NRXN2: variants seen among roughly 807,000 people sequenced by gnomAD.
NRXN2 encodes neurexin-2-beta.
A neutral mutation model predicts 128.8 loss-of-function variants in NRXN2; 29 were observed. The observed-to-expected ratio is 0.23, with a 90% CI of 0.17 to 0.31. NRXN2 has a LOEUF of 0.31. Ranked by LOEUF, NRXN2 falls within the 10% of genes least tolerant of loss-of-function variation. The pLI is 1.00. For synonymous variants in NRXN2, 1,098 were observed against 1,075.2 expected (o/e 1.02, Z -0.41); for missense variants, 1,881 against 2,452.6 (o/e 0.77, Z 4.92).
chr11:64,707,838 A>G (rs1300250962), intron 2 of NRXN2, among the ~76,000 whole-genome samples: 2 of 152,160 alleles, frequency 1.3e-5, no homozygotes, highest in Admixed American at 6.5e-5. Flanking sequence ...TTACACCTGT[A>G]ATCCCAACAC....
chr11:64,710,862 T>C (rs1026344345), intron 2 of NRXN2, among the ~76,000 whole-genome samples: 2 of 152,138 alleles, frequency 1.3e-5, no homozygotes, highest in African/African-American at 4.8e-5. Flanking sequence ...AAATACACAC[T>C]GCCAGACTCG....
chr11:64,642,402 G>A lies in NRXN2; in HGVS notation c.3403+5817C>T, dbSNP rs1317805300. ...GGAGCTGGAGATTGGAGGTGAAGGG[G>A]CTCCGGGACGCAAAGCAGAGGGGCC... On this transcript the variant is annotated intron_variant, in intron 17 of 22. Transcript: ENST00000265459. The A allele has an allele frequency of 1.2e-5, 15 of 1,283,720 alleles. No homozygotes were observed. In the Admixed American group the frequency reaches 4.1e-4, roughly 35 times the overall value. The allele number at this position is 1,283,720 out of a possible 1,614,324, so 79.5% of individuals were successfully genotyped here. A position where few individuals can be genotyped will look rare whatever the true frequency, so the allele number is the denominator to read the frequency against.
chr11:64,671,273 G>A (rs994870943), intron 7 of NRXN2, among the ~76,000 whole-genome samples: 4 of 152,128 alleles, frequency 2.6e-5, no homozygotes, highest in Non-Finnish European at 4.4e-5. Flanking sequence ...TAGTGGGGAC[G>A]GGTTCTGGGT....
chr11:64,689,360 G>A (rs887777661), intron 5 of NRXN2, among the ~76,000 whole-genome samples: 2 of 151,756 alleles, frequency 1.3e-5, no homozygotes, highest in Non-Finnish European at 1.5e-5. Context: ...ATGAGCCACC[G>A]TGCCTGGCCT....
At chr11:64,628,281 C>T (rs1591598278) in intron 19 of NRXN2, among the ~76,000 whole-genome samples, 1 of 152,310 alleles carries the variant, frequency 6.6e-6, no homozygotes. Flanking sequence ...TCCAAGGTTA[C>T]ACGCTTGTCA....
intron 7 of NRXN2, among the ~76,000 whole-genome samples, chr11:64,670,991 C>G (rs1248875051): frequency 1.3e-5 from 2 of 152,206 alleles, no homozygotes; most frequent in Non-Finnish European, 2.9e-5. Context: ...CTCCCTTTGC[C>G]AAAGTCACCC....
Position 64,623,350 on chromosome 11 carries a change from TC to T in NRXN2, c.3848-273del. 1 of 545,980 alleles carries T rather than the reference TC, an allele frequency of 1.8e-6. No homozygotes were observed. The highest frequency in any genetic ancestry group is 3.3e-6 in the Non-Finnish European group (1 of 305,714). 33.8% of individuals were successfully genotyped at this position (545,980 alleles called of 1,614,324 possible). On this transcript the variant is annotated intron_variant, in intron 20 of 22. Coordinates refer to ENST00000265459, the MANE Select transcript of NRXN2 (RefSeq NM_015080.4). The surrounding 1 kb of genome is among the most constrained non-coding windows in gnomAD (Gnocchi z 4.9). The stretch of plus-strand genomic sequence containing the variant: ...TGGGGAAGGGGAGCCCAGTCCCTCC[TC>T]CCCACCATGTGCAAGCCTTCCCACC...
At chr11:64,686,028 G>A (rs551178891) in intron 5 of NRXN2, 81 bp from the exon 6 acceptor site, 13 of 1,494,546 alleles carry the variant, frequency 8.7e-6, no homozygotes, top group South Asian at 5.8e-5. Flanking sequence ...CTCCAGCAAC[G>A]CAGGCACTGG....
At position 64,630,491 on chromosome 11, in the gene NRXN2, C is replaced by T; in HGVS notation, c.3668G>A (p.Gly1223Asp). The change falls in exon 19 of 23, where the codon GGC becomes GAC. Residue 1223 changes from glycine (G) to aspartate (D), a missense_variant. By Grantham distance (94) the Gly-to-Asp change is moderately conservative. Coordinates refer to ENST00000265459, the MANE Select transcript of NRXN2 (RefSeq NM_015080.4). This position sits in a 1 kb window ranked among gnomAD's most constrained non-coding sequence, Gnocchi z 4.6. ...IDEPNAIVSDGKYHVVRFTRS... is the reference protein window; with the variant it reads ...IDEPNAIVSDDKYHVVRFTRS... ...AGTGAAGCGCACCACGTGGTATTTG[C>T]CGTCGCTTACTATGGCGTTGGGCTC... 6.2e-7 allele frequency: 1 copy of T among 1,614,032 alleles called. No individual in the cohort carries two copies. The highest frequency in any genetic ancestry group is 8.5e-7 in the Non-Finnish European group (1 of 1,180,016).
chr11:64,695,616 C>T (rs891753203), intron 3 of NRXN2, among the ~76,000 whole-genome samples: 3 of 151,988 alleles, frequency 2.0e-5, no homozygotes, highest in East Asian at 1.9e-4. Context: ...GAACCACCAT[C>T]GAAATAAAGA....
intron 1 of NRXN2, among the ~76,000 whole-genome samples, chr11:64,717,639 C>T (rs952731172): frequency 4.6e-5 from 7 of 152,364 alleles, no homozygotes; most frequent in African/African-American, 7.2e-5. Context: ...CATTTTCCCA[C>T]GGCGAGGCCA....
At position 64,635,510 on chromosome 11, in the gene NRXN2, A is replaced by C. The variant is rs2044569208; in HGVS notation, c.3404-58T>G. ...ATGACATCAGGAGGACGAGGTCAGC[A>C]GGTCCTCAGGGTTGTGACCAGAGGG... On this transcript the variant is annotated intron_variant, in intron 17 of 22. Transcript: ENST00000265459. The surrounding 1 kb of genome is among the most constrained non-coding windows in gnomAD (Gnocchi z 4.8). The C allele has an allele frequency of 6.3e-7, 1 of 1,577,298 alleles. No homozygotes were observed. The highest frequency in any genetic ancestry group is 8.7e-7 in the Non-Finnish European group (1 of 1,154,022).
At chr11:64,608,239 C>G (rs1017502964) in intron 22 of NRXN2, among the ~76,000 whole-genome samples, 157 bp from the exon 23 acceptor site, 3 of 152,210 alleles carry the variant, frequency 2.0e-5, no homozygotes, top group Non-Finnish European at 2.9e-5. Flanking sequence ...GCCAGCCGGC[C>G]GAGCACTGCG....
Position 64,661,150 on chromosome 11 carries a change from A to T in NRXN2, c.1799-11T>A. 1 of 1,613,372 alleles carries T rather than the reference A, an allele frequency of 6.2e-7. No individual in the cohort carries two copies. The highest frequency in any genetic ancestry group is 8.5e-7 in the Non-Finnish European group (1 of 1,180,030). On this transcript the variant is annotated splice_polypyrimidine_tract_variant and intron_variant, in intron 9 of 22. Coordinates refer to ENST00000265459, the MANE Select transcript of NRXN2 (RefSeq NM_015080.4). ...TCACTGAGATGGAGCCTGGGAATCA[A>T]GGGAAGGCAGGATGGAGAAAAGCCA...
In NRXN2 at chr11:64,660,951, T is replaced by C. The variant is rs373542632; in HGVS notation, c.1987A>G (p.Ile663Val). 9.3e-6 allele frequency: 15 copies of C among 1,613,876 alleles called. No individual in the cohort carries two copies. The African/African-American group carries it at 1.2e-4, about 13-fold the overall frequency. The change falls in exon 10 of 23, where the codon ATA (isoleucine) becomes GTA (valine). Residue 663 changes from isoleucine to valine, a missense_variant. This residue lies in a region of NRXN2 where 997 missense variants were observed against 1,240.8 expected (regional missense o/e 0.80). Coordinates refer to ENST00000265459, the MANE Select transcript of NRXN2 (RefSeq NM_015080.4). The surrounding 1 kb of genome is among the most constrained non-coding windows in gnomAD (Gnocchi z 5.2). ...CGGAGGTCTCGGCTACGCCCATCTATGAAGAGGTCCCGCACACAGCCCACG... is the reference window on the plus strand; with the variant it reads ...CGGAGGTCTCGGCTACGCCCATCTACGAAGAGGTCCCGCACACAGCCCACG... Reference protein sequence around the residue: ...GYVGCVRDLFIDGRSRDLRGL... With the variant: ...GYVGCVRDLFVDGRSRDLRGL...
chr11:64,611,865 G>A (rs550007916), intron 22 of NRXN2, among the ~76,000 whole-genome samples: 5 of 152,158 alleles, frequency 3.3e-5, no homozygotes, highest in South Asian at 4.2e-4. Context: ...GGCTTTGACT[G>A]TACGATCTCC....
rs1026196103 is a variant in NRXN2, at chr11:64,630,106, C to G, written c.3757+296G>C. ...TCTACCCTCCCTCCACTTCTCCCCC[C>G]ACCCCCAAACTGGACCCTGGCCTTG... On this transcript the variant is annotated intron_variant, in intron 19 of 22. Transcript: ENST00000265459. The surrounding 1 kb of genome is among the most constrained non-coding windows in gnomAD (Gnocchi z 4.6). Among the ~76,000 whole-genome samples the G allele has an allele frequency of 6.6e-6, 1 of 152,170 alleles. No individual in the cohort carries two copies. Among genetic ancestry groups the G allele is most frequent in the Admixed American group, 6.5e-5 (1 of 15,304 alleles).
In NRXN2 at chr11:64,623,082, G is replaced by A; in HGVS notation, c.3848-4C>T. On this transcript the variant is annotated splice_polypyrimidine_tract_variant and splice_region_variant and intron_variant, in intron 20 of 22. Coordinates refer to ENST00000265459, the MANE Select transcript of NRXN2 (RefSeq NM_015080.4). This position sits in a 1 kb window ranked among gnomAD's most constrained non-coding sequence, Gnocchi z 4.9. ...TTGAAGATGGTCAGCTGGCGGCCTT[G>A]CAGGAGTGGAAGGGGGTGACAGAGA... The A allele has an allele frequency of 6.3e-7, 1 of 1,595,338 alleles. No individual in the cohort carries two copies.
chr11:64,615,933 T>C (rs568703673), intron 22 of NRXN2, among the ~76,000 whole-genome samples: 10 of 152,194 alleles, frequency 6.6e-5, no homozygotes, highest in Non-Finnish European at 1.3e-4. Flanking sequence ...TGTGTGTACA[T>C]ATGTATTCTT....
Sources: gnomAD v4.1 joint callset for allele counts (sites outside exome capture counted in the v4.1 genomes callset) on GRCh38, gnomAD v4.1.1 for gene constraint, gnomAD v4.1.1 regional missense constraint, Gnocchi (gnomAD v3.1) non-coding constraint, MANE v1.5 for transcripts, NCBI Gene and HGNC (gene_info 2026-07-23, HGNC 2026-07-21) for gene names.